Variants in SDK1 observed in about 807,000 individuals in gnomAD.
SDK1 encodes the protein sidekick cell adhesion molecule 1, also known as protein sidekick-1.
In SDK1, 157 loss-of-function variants were observed where a neutral mutation model predicts 245.5. The observed-to-expected ratio is 0.64, with a 90% CI of 0.56 to 0.73. The LOEUF is 0.73. Among genes scored for constraint, SDK1 ranks in the 30% least tolerant of loss-of-function variants. The pLI is 0.00. For synonymous variants in SDK1, 1,647 were observed against 1,278.5 expected (o/e 1.29, Z -6.15); for missense variants, 3,583 against 3,002.3 (o/e 1.19, Z -4.52).
intron 32 of SDK1, among the ~76,000 whole-genome samples, chr7:4,170,980 C>T (rs564371780): frequency 6.6e-6 from 1 of 152,332 alleles, no homozygotes; most frequent in African/African-American, 2.4e-5. Context: ...CTACCTGTTC[C>T]CCTATCCAGC....
intron 35 of SDK1, among the ~76,000 whole-genome samples, chr7:4,188,182 A>G (rs545861460): frequency 6.6e-6 from 1 of 152,388 alleles, no homozygotes; most frequent in East Asian, 1.9e-4. Flanking sequence ...CAACCATATC[A>G]CTAGCTGTAT....
At chr7:4,151,668 C>T (rs773822152) in intron 30 of SDK1, among the ~76,000 whole-genome samples, 46 of 152,234 alleles carry the variant, frequency 3.0e-4, no homozygotes, top group Non-Finnish European at 5.7e-4. Flanking sequence ...GGAATCCCCT[C>T]ATCCTGTCTA....
chr7:3,935,110 G>T (rs938990910), intron 5 of SDK1, among the ~76,000 whole-genome samples: 1 of 152,178 alleles, frequency 6.6e-6, no homozygotes, highest in African/African-American at 2.4e-5. Flanking sequence ...CCTTTGGTAG[G>T]AACTGATGGG....
intron 29 of SDK1, among the ~76,000 whole-genome samples, chr7:4,146,982 A>G (rs1780027377): frequency 6.6e-6 from 1 of 152,196 alleles, no homozygotes; most frequent in South Asian, 2.1e-4. Flanking sequence ...CGCCCTTCTC[A>G]GTGGGCTCCG....
chr7:3,530,301 G>A (rs1170474586), intron 1 of SDK1, among the ~76,000 whole-genome samples: 5 of 151,964 alleles, frequency 3.3e-5, no homozygotes, highest in African/African-American at 1.2e-4. Context: ...TATCATCTGT[G>A]GTATCCTTCA....
At chr7:4,248,629 C>T (rs1337601232) in intron 44 of SDK1, among the ~76,000 whole-genome samples, 1 of 151,820 alleles carries the variant, frequency 6.6e-6, no homozygotes, top group Admixed American at 6.6e-5. Context: ...CCTAAATACA[C>T]ACACATGTAC....
chr7:3,313,612 T>C (rs1779599478), intron 1 of SDK1, among the ~76,000 whole-genome samples: 1 of 152,168 alleles, frequency 6.6e-6, no homozygotes, highest in African/African-American at 2.4e-5. Flanking sequence ...GTGTCAGCAG[T>C]TTCCACTACA....
At chr7:4,243,929 C>G (rs952996226) in intron 43 of SDK1, among the ~76,000 whole-genome samples, 7 of 152,214 alleles carry the variant, frequency 4.6e-5, no homozygotes, top group African/African-American at 1.4e-4. Flanking sequence ...GTTTGTGCTT[C>G]CAATTTCTTT....
chr7:3,391,326 A>G (rs1385946562), intron 1 of SDK1, among the ~76,000 whole-genome samples: 2 of 152,156 alleles, frequency 1.3e-5, no homozygotes, highest in Non-Finnish European at 2.9e-5. Context: ...AGCACACATG[A>G]CCTTGGTTCC....
chr7:4,009,908 G>A (rs910221068), intron 14 of SDK1, among the ~76,000 whole-genome samples: 1 of 152,190 alleles, frequency 6.6e-6, no homozygotes, highest in African/African-American at 2.4e-5. Flanking sequence ...ACGAATCCCC[G>A]CGGTTGGGGC....
chr7:3,743,377 C>G (rs139644725), intron 4 of SDK1, among the ~76,000 whole-genome samples: 2 of 152,080 alleles, frequency 1.3e-5, no homozygotes, highest in African/African-American at 4.8e-5. Context: ...AACATTCAGC[C>G]CATTCTCCTT....
chr7:3,671,407 A>G (rs1007229400), intron 4 of SDK1, among the ~76,000 whole-genome samples: 4 of 152,234 alleles, frequency 2.6e-5, no homozygotes, highest in African/African-American at 9.6e-5. Context: ...GAATCAATGT[A>G]CATCTCCCCA....
intron 1 of SDK1, among the ~76,000 whole-genome samples, chr7:3,494,756 A>G (rs1390490375): frequency 6.6e-6 from 1 of 152,212 alleles, no homozygotes; most frequent in Non-Finnish European, 1.5e-5. Context: ...ATGTTTGTTA[A>G]GTTTTGGCTA....
intron 1 of SDK1, among the ~76,000 whole-genome samples, chr7:3,327,433 G>T (rs1357430396): frequency 1.3e-5 from 2 of 152,074 alleles, no homozygotes; most frequent in Non-Finnish European, 2.9e-5. Context: ...GGAAGCAAGC[G>T]ACTGGTTTTG....
chr7:3,738,689 CTTCTT>C (rs1243018299), intron 4 of SDK1, among the ~76,000 whole-genome samples: 1 of 152,010 alleles, frequency 6.6e-6, no homozygotes. Context: ...CCATTTGTGT[CTTCTT>C]TTATTTCTTT....
chr7:3,520,860 T>G (rs115707164), intron 1 of SDK1, among the ~76,000 whole-genome samples: 4,321 of 152,238 alleles, frequency 0.028, 222 homozygotes, highest in African/African-American at 0.098. Context: ...AGTTTCCTGT[T>G]TTTGCCATAA....
At chr7:3,723,985 G>C (rs1041166635) in intron 4 of SDK1, among the ~76,000 whole-genome samples, 1 of 150,530 alleles carries the variant, frequency 6.6e-6, no homozygotes, top group African/African-American at 2.4e-5. Context: ...GAGAAAGAGA[G>C]AGAGAGTCTC....
intron 5 of SDK1, among the ~76,000 whole-genome samples, chr7:3,840,743 G>A (rs543766544): frequency 3.3e-5 from 5 of 152,340 alleles, no homozygotes; most frequent in African/African-American, 9.6e-5. Flanking sequence ...GAAGGTTTAT[G>A]GCAGAGCTAC....
chr7:3,892,291 C>T (rs1020492756), intron 5 of SDK1, among the ~76,000 whole-genome samples: 2 of 152,202 alleles, frequency 1.3e-5, no homozygotes, highest in African/African-American at 2.4e-5. Context: ...AAGAATCCTG[C>T]GAGTCAGCTG....
Sources: gnomAD v4.1 joint callset for allele counts (sites outside exome capture counted in the v4.1 genomes callset) on GRCh38, gnomAD v4.1.1 for gene constraint, MANE v1.5 for transcripts, NCBI Gene and HGNC (gene_info 2026-07-23, HGNC 2026-07-21) for gene names.